CA10: variants seen among roughly 807,000 people sequenced by gnomAD.
CA10 encodes carbonic anhydrase 10 (inactive), also known as carbonic anhydrase-related protein 10.
A neutral mutation model predicts 44.2 loss-of-function variants in CA10; 14 were observed. The observed-to-expected ratio is 0.32, with a 90% CI of 0.21 to 0.50. The LOEUF is 0.50. CA10 is among the 20% of genes least tolerant of loss of function. The pLI is 0.99. For missense variants in CA10, 350 were observed against 409.7 expected, an observed-to-expected ratio of 0.85 and a Z score of 1.26; for synonymous variants, 159 against 141.6, an observed-to-expected ratio of 1.12 and a Z score of -0.87.
chr17:51,940,175 G>A (rs1160831347), intron 2 of CA10, among the ~76,000 whole-genome samples: 2 of 151,944 alleles, frequency 1.3e-5, no homozygotes, highest in East Asian at 1.9e-4. Flanking sequence ...CAAACTGAAC[G>A]CCCCTTTGAT....
chr17:51,679,050 A>C (rs1004925957), intron 4 of CA10, among the ~76,000 whole-genome samples: 1 of 152,158 alleles, frequency 6.6e-6, no homozygotes, highest in Admixed American at 6.5e-5. Context: ...TGCTACAGTC[A>C]TTCTCCACCC....
chr17:51,959,282 CTGTGTGTGTG>C lies in CA10; in HGVS notation c.137-28160_137-28151del, dbSNP rs71149386. ...TTGTTCTCTCTCTCGCTCTCTCTCT[CTGTGTGTGTG>C]TGTGTGTGTGTGTGTGTGTGTGTGT... is the stretch of plus-strand genomic sequence containing the variant. On this transcript the variant is annotated intron_variant, in intron 2 of 8. Coordinates refer to ENST00000451037, the MANE Select transcript of CA10 (RefSeq NM_020178.5). Among the ~76,000 whole-genome samples the C allele has an allele frequency of 3.6e-3, 484 of 134,402 alleles. 8 individuals are homozygous for C. The highest frequency in any genetic ancestry group is 0.024 in the South Asian group (92 of 3,832). 88.2% of individuals were successfully genotyped at this position (134,402 alleles called of 152,430 possible). A position where few individuals can be genotyped will look rare whatever the true frequency, so the allele number is the denominator to read the frequency against.
intron 3 of CA10, among the ~76,000 whole-genome samples, chr17:51,872,038 G>A (rs1979841581): frequency 6.6e-6 from 1 of 152,152 alleles, no homozygotes; most frequent in South Asian, 2.1e-4. Flanking sequence ...TTTTGACTGA[G>A]GAATAGGATT....
chr17:51,887,678 G>A (rs1218812960), intron 3 of CA10, among the ~76,000 whole-genome samples: 1 of 151,926 alleles, frequency 6.6e-6, no homozygotes, highest in East Asian at 1.9e-4. Context: ...AAAAGTGTGT[G>A]TTGGCTGGGC....
chr17:52,008,478 T>G (rs1391018056), intron 2 of CA10, among the ~76,000 whole-genome samples: 2 of 151,854 alleles, frequency 1.3e-5, no homozygotes, highest in Non-Finnish European at 2.9e-5. Context: ...GAAAACTAAA[T>G]AATTTACATA....
chr17:52,087,395 GC>G (rs1435502092), intron 1 of CA10, among the ~76,000 whole-genome samples: 4 of 152,198 alleles, frequency 2.6e-5, no homozygotes, highest in Non-Finnish European at 5.9e-5. Context: ...TCCTGCCTTG[GC>G]CTCCCAAAGT....
chr17:51,811,360 T>TCAA (rs2143739570), intron 3 of CA10, among the ~76,000 whole-genome samples: 1 of 152,352 alleles, frequency 6.6e-6, no homozygotes, highest in African/African-American at 2.4e-5. Flanking sequence ...TACATAGGTA[T>TCAA]ACATGTGTCA....
intron 3 of CA10, among the ~76,000 whole-genome samples, chr17:51,828,065 G>A (rs1226679204): frequency 1.3e-5 from 2 of 152,148 alleles, no homozygotes; most frequent in Non-Finnish European, 2.9e-5. Context: ...CATTGCCACT[G>A]TTTGGACTTA....
At chr17:52,069,649 T>C (rs576780671) in intron 2 of CA10, among the ~76,000 whole-genome samples, 1 of 152,342 alleles carries the variant, frequency 6.6e-6, no homozygotes, top group South Asian at 2.1e-4. Flanking sequence ...ACCTGTTTAT[T>C]AACCGCCCAA....
chr17:52,038,943 T>C (rs1408081039), intron 2 of CA10, among the ~76,000 whole-genome samples: 2 of 152,150 alleles, frequency 1.3e-5, no homozygotes, highest in Admixed American at 6.5e-5. Context: ...TCATAGAAAT[T>C]TTGACTAGGG....
At chr17:52,083,668 A>G (rs1420885776) in intron 1 of CA10, among the ~76,000 whole-genome samples, 1 of 152,046 alleles carries the variant, frequency 6.6e-6, no homozygotes, top group African/African-American at 2.4e-5. Context: ...GTGATATTTG[A>G]CTTTCTGTTT....
At chr17:52,063,769 G>T (rs1011950753) in intron 2 of CA10, among the ~76,000 whole-genome samples, 1 of 152,070 alleles carries the variant, frequency 6.6e-6, no homozygotes, top group African/African-American at 2.4e-5. Context: ...TGAGCCAAAT[G>T]AATCTCTTTA....
intron 3 of CA10, among the ~76,000 whole-genome samples, chr17:51,863,477 T>G (rs2143845640): frequency 6.6e-6 from 1 of 152,342 alleles, no homozygotes; most frequent in Middle Eastern, 3.4e-3. Flanking sequence ...TGTGATTTTC[T>G]TTCTTTGATT....
intron 2 of CA10, among the ~76,000 whole-genome samples, chr17:52,053,829 G>A (rs923400085): frequency 1.3e-5 from 2 of 152,016 alleles, no homozygotes; most frequent in Non-Finnish European, 2.9e-5. Context: ...CATCTTTACT[G>A]CAATCTCTGA....
At chr17:52,146,185 TG>T (rs1431884168) in intron 1 of CA10, among the ~76,000 whole-genome samples, 4 of 152,298 alleles carry the variant, frequency 2.6e-5, no homozygotes, top group African/African-American at 9.6e-5. Context: ...CACACCAACA[TG>T]GCACATGTAT....
intron 2 of CA10, among the ~76,000 whole-genome samples, chr17:51,940,322 C>T (rs1255483054): frequency 2.0e-5 from 3 of 152,042 alleles, no homozygotes; most frequent in Non-Finnish European, 4.4e-5. Flanking sequence ...ACAAAACTTC[C>T]TTCCTGATCA....
At chr17:51,741,221 T>C (rs978610068) in intron 4 of CA10, among the ~76,000 whole-genome samples, 1 of 152,196 alleles carries the variant, frequency 6.6e-6, no homozygotes, top group African/African-American at 2.4e-5. Flanking sequence ...AGTAACTAAC[T>C]CAAGTCTGTG....
chr17:51,842,239 A>T (rs1299716475), intron 3 of CA10, among the ~76,000 whole-genome samples: 5 of 152,236 alleles, frequency 3.3e-5, no homozygotes, highest in Non-Finnish European at 7.3e-5. Flanking sequence ...TACATATAAC[A>T]CTTATTTTTT....
intron 2 of CA10, among the ~76,000 whole-genome samples, chr17:51,977,091 C>T (rs1356355945): frequency 6.6e-6 from 1 of 151,958 alleles, no homozygotes; most frequent in African/African-American, 2.4e-5. Flanking sequence ...AATGGCTTCA[C>T]TGGTGAATAC....
Sources: allele counts gnomAD v4.1 joint callset (sites outside exome capture counted in the v4.1 genomes callset), GRCh38; gene constraint gnomAD v4.1.1; transcripts MANE v1.5; gene names NCBI Gene and HGNC (gene_info 2026-07-23, HGNC 2026-07-21).